The following ZNF135 variants were observed in gnomAD, a reference collection of about 807,000 sequenced individuals.
The protein encoded by ZNF135 is zinc finger protein 135 (clone pHZ-17).
Under a neutral mutation model 12.3 loss-of-function variants are expected in ZNF135, and 11 were observed. That is an observed-to-expected ratio of 0.89 (90% confidence interval 0.56 to 1.48). The LOEUF (loss-of-function observed/expected upper bound fraction) is 1.48, where lower values mean the gene tolerates loss of function less well. ZNF135 is among the 40% of genes most tolerant of loss of function. The pLI is 0.00. For missense variants in ZNF135, 722 were observed against 815.7 expected, an observed-to-expected ratio of 0.89 and a Z score of 1.40; for synonymous variants, 316 against 312.0, an observed-to-expected ratio of 1.01 and a Z score of -0.14.
rs1305989258 is a variant in ZNF135, at chr19:58,067,955, G to T, written c.1471G>T (p.Glu491Ter). Reference sequence around the variant, plus strand: ...CCAACACCAGCGAATCCACACAGGGGAGAAGCCCTATGAATGCAATGACTG... The same window carrying T: ...CCAACACCAGCGAATCCACACAGGGTAGAAGCCCTATGAATGCAATGACTG... ...LTQHQRIHTG[E>*]KPYECNDCGK... The change falls in exon 5 of 5, where the codon GAG (glutamate) becomes TAG (stop). Residue 491 changes from glutamate to a stop codon, truncating the protein, a stop_gained. Transcript: ENST00000313434. LOFTEE classifies it low-confidence loss of function (END_TRUNC). 2 of 1,613,962 alleles carry T rather than the reference G, an allele frequency of 1.2e-6. No homozygotes were observed. Among genetic ancestry groups the T allele is most frequent in the African/African-American group, 1.3e-5 (1 of 74,976 alleles).
chr19:58,060,165 C>T lies in ZNF135; in HGVS notation c.33+130C>T, dbSNP rs2073947608. ...CGCTCAGCCTCCTCCTTGTGCCCGG[C>T]CCCTACTTGCGTGCCCGGCCCCTAC... On this transcript the variant is annotated intron_variant, in intron 2 of 4. Coordinates refer to ENST00000313434, the MANE Select transcript of ZNF135 (RefSeq NM_001289401.2). The surrounding 1 kb of genome is among the most constrained non-coding windows in gnomAD (Gnocchi z 4.9). The T allele has an allele frequency of 2.6e-6, 4 of 1,546,632 alleles. No homozygotes were observed.
At position 58,063,223 on chromosome 19, in the gene ZNF135, C is replaced by G. The variant is rs575110763; in HGVS notation, c.161-223C>G. 1.3e-5 allele frequency among the ~76,000 whole-genome samples: 2 copies of G among 152,252 alleles called. No homozygotes were observed. The highest frequency in any genetic ancestry group is 2.9e-5 in the Non-Finnish European group (2 of 68,018). ...GGGGAGGAACCAGAGTTCTGATTGT[C>G]CAGGCTTGGGTCACATGTCCACCCC... On this transcript the variant is annotated intron_variant, in intron 3 of 4. Coordinates refer to ENST00000313434, the MANE Select transcript of ZNF135 (RefSeq NM_001289401.2). The surrounding 1 kb of genome is among the most constrained non-coding windows in gnomAD (Gnocchi z 4.4).
At position 58,063,352 on chromosome 19, in the gene ZNF135, A is replaced by G; in HGVS notation, c.161-94A>G. The G allele has an allele frequency of 6.4e-7, 1 of 1,563,122 alleles. No individual in the cohort carries two copies. Among genetic ancestry groups the G allele is most frequent in the Non-Finnish European group, 8.7e-7 (1 of 1,151,594 alleles). On this transcript the variant is annotated intron_variant, in intron 3 of 4. Transcript: ENST00000313434. This position sits in a 1 kb window ranked among gnomAD's most constrained non-coding sequence, Gnocchi z 4.4. ...TGAAGTCACTCAGGGGTCCCCAGCC[A>G]TCTGGGACCTGGAAGACCAAAGGTG...
At chr19:58,061,468 C>G in intron 2 of ZNF135, 112 bp from the exon 3 acceptor site, 1 of 1,418,928 alleles carries the variant, frequency 7.0e-7, no homozygotes, top group South Asian at 1.5e-5. Context: ...GACCCAAAAC[C>G]CCAGACCAAA....
chr19:58,064,530 A>C (rs1345509965), intron 4 of ZNF135, among the ~76,000 whole-genome samples: 1 of 152,092 alleles, frequency 6.6e-6, no homozygotes, highest in East Asian at 1.9e-4. Context: ...GATTTTTTTA[A>C]ATAGCTTTTT....
In ZNF135 at chr19:58,068,312, G is replaced by A. The variant is rs140244919; in HGVS notation, c.1828G>A (p.Asp610Asn). 137 of 1,613,402 alleles carry A rather than the reference G, an allele frequency of 8.5e-5. No homozygotes were observed. In the African/African-American group the frequency reaches 1.5e-3, roughly 17 times the overall value. ...HTGEKPYECH[D>N]CGKSFRQSTH... ...TGGGGAAAAGCCCTATGAGTGTCACGATTGCGGAAAGTCCTTTAGGCAGAG... is the reference window on the plus strand; with the variant it reads ...TGGGGAAAAGCCCTATGAGTGTCACAATTGCGGAAAGTCCTTTAGGCAGAG... The change falls in exon 5 of 5, where the codon GAT becomes AAT. Residue 610 changes from aspartate to asparagine, a missense_variant. Physicochemically the swap from Asp to Asn is conservative, Grantham distance 23 (BLOSUM62 1). Coordinates refer to ENST00000313434, the MANE Select transcript of ZNF135 (RefSeq NM_001289401.2).
At position 58,066,868 on chromosome 19, in the gene ZNF135, C is replaced by T. The variant is rs1449525116; in HGVS notation, c.384C>T (p.Asp128=). 8.1e-6 allele frequency: 13 copies of T among 1,614,098 alleles called. No individual in the cohort carries two copies. The highest frequency in any genetic ancestry group is 1.1e-5 in the Non-Finnish European group (13 of 1,180,054). ...GTCTGTGGTACTGCAGGGGTGAGGA[C>T]ACTGAGGGCCACTGGGAATGGAGTT... ...WDGLWYCRGE[D]TEGHWEWSCE... Residue 128 remains aspartate, a synonymous_variant, in exon 5 of 5, where the codon GAC becomes GAT. Transcript: ENST00000313434.
rs758277538 is a variant in ZNF135, at chr19:58,061,726, C to T, written c.160+20C>T. ...CTGTGGGTAAGGCCACACCCATGTC[C>T]TATCTGTTGATCTGTCCCTGACACG... is the stretch of plus-strand genomic sequence containing the variant. On this transcript the variant is annotated intron_variant, in intron 3 of 4. Coordinates refer to ENST00000313434, the MANE Select transcript of ZNF135 (RefSeq NM_001289401.2). 5 of 1,600,194 alleles carry T rather than the reference C, an allele frequency of 3.1e-6. No homozygotes were observed. The African/African-American group carries it at 6.8e-5, about 22-fold the overall frequency.
rs1568616885 is a variant in ZNF135 at position 58,067,603 on chromosome 19, G to A, written c.1119G>A (p.Gln373=). The change falls in exon 5 of 5, where the codon CAG becomes CAA. Residue 373 remains glutamine (Q), a synonymous_variant. Transcript: ENST00000313434. ...ACAGCTCATCCTTGACCAAACACCAGCGAATCCACACAGGGGAGAAGCCCT... is the reference window on the plus strand; with the variant it reads ...ACAGCTCATCCTTGACCAAACACCAACGAATCCACACAGGGGAGAAGCCCT... ...FSHSSSLTKH[Q]RIHTGEKPYE... is the part of the protein sequence containing the mutation. 1.1e-5 allele frequency: 17 copies of A among 1,614,156 alleles called. No individual in the cohort carries two copies. The highest frequency in any genetic ancestry group is 1.4e-5 in the Non-Finnish European group (17 of 1,180,022).
chr19:58,068,559 A>T lies in ZNF135; in HGVS notation c.*98A>T, dbSNP rs12461217. On this transcript the variant is annotated 3_prime_UTR_variant, in exon 5 of 5. Transcript: ENST00000313434. Reference sequence around the variant, plus strand: ...TCATACACATGAGAAACGTACATTCATACACAAGCCTTTTCACACAGCACT... The same window carrying T: ...TCATACACATGAGAAACGTACATTCTTACACAAGCCTTTTCACACAGCACT... 1 of 1,366,470 alleles carries T rather than the reference A, an allele frequency of 7.3e-7. No individual in the cohort carries two copies. The highest frequency in any genetic ancestry group is 1.5e-5 in the African/African-American group (1 of 68,912). The allele number at this position is 1,366,470 out of a possible 1,614,324, so 84.6% of individuals were successfully genotyped here. A position where few individuals can be genotyped will look rare whatever the true frequency, so the allele number is the denominator to read the frequency against.
In ZNF135 at chr19:58,067,185, G is replaced by A. The variant is rs202150919; in HGVS notation, c.701G>A (p.Arg234Gln). ...SHSSALIEHH[R>Q]THTGERPYEC... ...AGCTCAGCACTTATCGAACACCACC[G>A]GACGCACACAGGAGAGAGACCTTAC... Residue 234 changes from arginine (R) to glutamine (Q), a missense_variant, in exon 5 of 5, where the codon CGG becomes CAG. Arg to Gln is a conservative substitution (Grantham distance 43, BLOSUM62 1). Transcript: ENST00000313434. 6.4e-5 allele frequency: 104 copies of A among 1,614,044 alleles called. No homozygotes were observed. Among genetic ancestry groups the A allele is most frequent in the East Asian group, 2.5e-4 (11 of 44,884 alleles).
Position 58,059,822 on chromosome 19 carries a change from G to A in ZNF135, c.-34-147G>A. 3 of 960,088 alleles carry A rather than the reference G, an allele frequency of 3.1e-6. No homozygotes were observed. The highest frequency in any genetic ancestry group is 5.7e-5 in the Admixed American group (2 of 34,932). 59.5% of individuals were successfully genotyped at this position (960,088 alleles called of 1,614,324 possible). ...GCTGCCCTTCTCCGAGCGGAGGGCC[G>A]CCCCACACACAGCAGGCGCTTAAAC... On this transcript the variant is annotated intron_variant, in intron 1 of 4. Transcript: ENST00000313434. The surrounding 1 kb of genome is among the most constrained non-coding windows in gnomAD (Gnocchi z 6.5).
chr19:58,060,695 C>T lies in ZNF135; in HGVS notation c.33+660C>T, dbSNP rs551657974. On this transcript the variant is annotated intron_variant, in intron 2 of 4. Coordinates refer to ENST00000313434, the MANE Select transcript of ZNF135 (RefSeq NM_001289401.2). The surrounding 1 kb of genome is among the most constrained non-coding windows in gnomAD (Gnocchi z 4.9). Reference sequence around the variant, plus strand: ...GAAAACCCGTACAAGGGGACTGGTGCGATGGCTTGTAGCTGTAATCCCAGC... The same window carrying T: ...GAAAACCCGTACAAGGGGACTGGTGTGATGGCTTGTAGCTGTAATCCCAGC... Among the ~76,000 whole-genome samples, 17 of 152,306 alleles carry T rather than the reference C, an allele frequency of 1.1e-4. No individual in the cohort carries two copies. The highest frequency in any genetic ancestry group is 3.8e-4 in the African/African-American group (16 of 41,560).
intron 4 of ZNF135, among the ~76,000 whole-genome samples, chr19:58,066,336 G>A (rs1280010689): frequency 6.6e-6 from 1 of 152,148 alleles, no homozygotes; most frequent in Non-Finnish European, 1.5e-5. Flanking sequence ...CATTGTGGAG[G>A]CCACTGTAGC....
In ZNF135 at chr19:58,059,293, T is replaced by G; in HGVS notation, c.-52T>G. 6.5e-7 allele frequency: 1 copy of G among 1,537,268 alleles called. No individual in the cohort carries two copies. Among genetic ancestry groups the G allele is most frequent in the Non-Finnish European group, 8.7e-7 (1 of 1,146,532 alleles). ...TGTCGGCTGCCGGTGCCGCGGCCTT[T>G]GTCTCGCAGTCAGGAGGGTGAGCTA... On this transcript the variant is annotated 5_prime_UTR_variant, in exon 1 of 5. Transcript: ENST00000313434. The surrounding 1 kb of genome is among the most constrained non-coding windows in gnomAD (Gnocchi z 6.5).
In ZNF135 at chr19:58,066,721, C is replaced by T; in HGVS notation, c.257-20C>T. The T allele has an allele frequency of 6.2e-7, 1 of 1,612,302 alleles. No homozygotes were observed. The highest frequency in any genetic ancestry group is 8.5e-7 in the Non-Finnish European group (1 of 1,178,874). Reference sequence around the variant, plus strand: ...GTGGAACAGAGATTAAGGGACATTTCCAGTTTTTGCTTCTTTCAGACTTGG... The same window carrying T: ...GTGGAACAGAGATTAAGGGACATTTTCAGTTTTTGCTTCTTTCAGACTTGG... On this transcript the variant is annotated intron_variant, in intron 4 of 4. Transcript: ENST00000313434.
Position 58,059,640 on chromosome 19 carries a change from G to A in ZNF135, c.-34-329G>A, listed in dbSNP as rs1043902713. ...CGGGCACTGGGCCGCCACCTTTGTT[G>A]ATGGAAGAGAGAAACTGAGGCATAG... On this transcript the variant is annotated intron_variant, in intron 1 of 4. Transcript: ENST00000313434. The surrounding 1 kb of genome is among the most constrained non-coding windows in gnomAD (Gnocchi z 6.5). 2.0e-6 allele frequency: 1 copy of A among 511,944 alleles called. No homozygotes were observed. Among genetic ancestry groups the A allele is most frequent in the African/African-American group, 2.0e-5 (1 of 49,630 alleles). 31.7% of individuals were successfully genotyped at this position (511,944 alleles called of 1,614,324 possible).
At position 58,067,764 on chromosome 19, in the gene ZNF135, A is replaced by C; in HGVS notation, c.1280A>C (p.Glu427Ala). 1 of 1,614,172 alleles carries C rather than the reference A, an allele frequency of 6.2e-7. No homozygotes were observed. The highest frequency in any genetic ancestry group is 8.5e-7 in the Non-Finnish European group (1 of 1,180,030). ...KAFSQSTLLTEHRRIHTGEKP... is the reference protein window; with the variant it reads ...KAFSQSTLLTAHRRIHTGEKP... Reference sequence around the variant, plus strand: ...TTCAGTCAGAGCACACTCCTGACCGAGCATCGGAGGATTCACACAGGAGAG... The same window carrying C: ...TTCAGTCAGAGCACACTCCTGACCGCGCATCGGAGGATTCACACAGGAGAG... Residue 427 changes from glutamate to alanine, a missense_variant, in exon 5 of 5, where the codon GAG (glutamate) becomes GCG (alanine). Transcript: ENST00000313434.
Position 58,067,048 on chromosome 19 carries a change from C to T in ZNF135, c.564C>T (p.His188=), listed in dbSNP as rs1393593673. 2 of 1,614,226 alleles carry T rather than the reference C, an allele frequency of 1.2e-6. No individual in the cohort carries two copies. Among genetic ancestry groups the T allele is most frequent in the South Asian group, 2.2e-5 (2 of 91,090 alleles). The change falls in exon 5 of 5, where the codon CAC becomes CAT. Residue 188 remains histidine (H), a synonymous_variant. Coordinates refer to ENST00000313434, the MANE Select transcript of ZNF135 (RefSeq NM_001289401.2). ...TGACTCCTGAAAGACAAAGCCCCCA[C>T]ACATGGGGAACACGTGGAAAAAGGG... is the stretch of plus-strand genomic sequence containing the variant. The part of the protein sequence containing the change: ...QPMTPERQSP[H]TWGTRGKREK...
Sources: allele counts gnomAD v4.1 joint callset (sites outside exome capture counted in the v4.1 genomes callset), GRCh38; gene constraint gnomAD v4.1.1; non-coding constraint Gnocchi (gnomAD v3.1); transcripts MANE v1.5; gene names NCBI Gene and HGNC (gene_info 2026-07-23, HGNC 2026-07-21).